The following PIGL variants were observed in gnomAD, a reference collection of about 807,000 sequenced individuals.
PIGL encodes phosphatidylinositol glycan anchor biosynthesis class L.
PIGL carries 22 observed loss-of-function variants against 31.1 expected under a neutral mutation model. That is an observed-to-expected ratio of 0.71 (90% CI 0.51 to 1.01). PIGL has a LOEUF of 1.01. PIGL is among the 50% of genes least tolerant of loss of function. PIGL has a pLI of 0.00. For synonymous variants in PIGL, 131 were observed against 117.4 expected (o/e 1.12, Z -0.75); for missense variants, 302 against 315.9 (o/e 0.96, Z 0.33).
chr17:16,298,766 G>A (rs141360221), intron 2 of PIGL, among the ~76,000 whole-genome samples: 5 of 151,816 alleles, frequency 3.3e-5, no homozygotes, highest in Admixed American at 1.3e-4. Context: ...AGTGGCTCAC[G>A]CCTGTAATCC....
intron 2 of PIGL, among the ~76,000 whole-genome samples, chr17:16,247,152 C>T (rs1403692642): frequency 1.3e-5 from 2 of 152,138 alleles, no homozygotes; most frequent in African/African-American, 4.8e-5. Flanking sequence ...TAAAGCCCCA[C>T]TCGTATGACC....
chr17:16,253,336 G>A (rs2092780752), intron 2 of PIGL, among the ~76,000 whole-genome samples: 1 of 152,096 alleles, frequency 6.6e-6, no homozygotes, highest in Non-Finnish European at 1.5e-5. Context: ...CTATTAAAGT[G>A]CATGGGGGCC....
At chr17:16,252,198 C>T (rs1275857040) in intron 2 of PIGL, among the ~76,000 whole-genome samples, 13 of 151,804 alleles carry the variant, frequency 8.6e-5, no homozygotes, top group Non-Finnish European at 1.3e-4. Context: ...CTCAGCCTCC[C>T]GAGTAGGTGG....
intron 6 of PIGL, among the ~76,000 whole-genome samples, chr17:16,323,511 G>A (rs2142881731): frequency 6.6e-6 from 1 of 152,016 alleles, no homozygotes; most frequent in African/African-American, 2.4e-5. Flanking sequence ...TGAGATTACG[G>A]GTGTGGGCCA....
At chr17:16,224,146 C>T (rs188071908) in intron 1 of PIGL, among the ~76,000 whole-genome samples, 4 of 151,520 alleles carry the variant, frequency 2.6e-5, no homozygotes, top group South Asian at 2.1e-4. Context: ...ACCTGGGAGG[C>T]GGAGGTTGCA....
chr17:16,264,448 T>C (rs546979274), intron 2 of PIGL, among the ~76,000 whole-genome samples: 14 of 152,068 alleles, frequency 9.2e-5, no homozygotes, highest in Non-Finnish European at 2.1e-4. Context: ...ACATGGCCTA[T>C]ATAAATTGAC....
intron 1 of PIGL, among the ~76,000 whole-genome samples, chr17:16,228,851 T>G (rs927900018): frequency 5.3e-5 from 8 of 152,216 alleles, no homozygotes; most frequent in African/African-American, 1.7e-4. Context: ...TCTTTCTATC[T>G]CTATGAATTT....
At chr17:16,242,138 C>CT (rs1379309512) in intron 2 of PIGL, among the ~76,000 whole-genome samples, 3 of 152,062 alleles carry the variant, frequency 2.0e-5, no homozygotes, top group Admixed American at 2.0e-4. Context: ...ACTGCAAACT[C>CT]TAACTTCTGG....
At chr17:16,305,955 G>T (rs1237375579) in intron 3 of PIGL, among the ~76,000 whole-genome samples, 1 of 151,882 alleles carries the variant, frequency 6.6e-6, no homozygotes, top group Non-Finnish European at 1.5e-5. Context: ...AGCTAATTTT[G>T]TTGTTGTTTT....
At chr17:16,253,998 A>G (rs2092783229) in intron 2 of PIGL, among the ~76,000 whole-genome samples, 1 of 151,192 alleles carries the variant, frequency 6.6e-6, no homozygotes, top group South Asian at 2.1e-4. Flanking sequence ...TCTCCTCTCC[A>G]TCTCCCAGTC....
chr17:16,229,948 A>G (rs1461025218), intron 1 of PIGL, among the ~76,000 whole-genome samples: 1 of 130,354 alleles, frequency 7.7e-6, no homozygotes, highest in Non-Finnish European at 1.5e-5. Context: ...TGCAACCTCC[A>G]CCTCCTAGGT....
intron 2 of PIGL, among the ~76,000 whole-genome samples, chr17:16,247,991 G>A (rs935300853): frequency 3.3e-5 from 5 of 152,068 alleles, no homozygotes; most frequent in Admixed American, 1.3e-4. Flanking sequence ...GGGTTCAAGC[G>A]ATTCTCCTGC....
At chr17:16,323,125 C>T (rs1282020031) in intron 6 of PIGL, among the ~76,000 whole-genome samples, 1 of 152,172 alleles carries the variant, frequency 6.6e-6, no homozygotes, top group Non-Finnish European at 1.5e-5. Context: ...GGAACCCAAC[C>T]CTGTATTTCC....
chr17:16,320,255 G>GA (rs1264229508), intron 6 of PIGL, among the ~76,000 whole-genome samples: 2 of 97,726 alleles, frequency 2.0e-5, no homozygotes, highest in African/African-American at 8.4e-5. Context: ...GGAAGGAAAG[G>GA]AGGGAGGAAG....
chr17:16,242,486 A>G (rs1295947950), intron 2 of PIGL, among the ~76,000 whole-genome samples: 2 of 151,926 alleles, frequency 1.3e-5, no homozygotes, highest in East Asian at 3.8e-4. Flanking sequence ...AGCTTTATTG[A>G]TTTTTTAATG....
intron 2 of PIGL, among the ~76,000 whole-genome samples, chr17:16,267,161 G>A (rs1046648524): frequency 6.6e-6 from 1 of 152,116 alleles, no homozygotes. Context: ...CACATATTTT[G>A]TATCTTTATC....
At chr17:16,306,648 G>A (rs1437767175) in intron 3 of PIGL, among the ~76,000 whole-genome samples, 1 of 150,614 alleles carries the variant, frequency 6.6e-6, no homozygotes, top group Non-Finnish European at 1.5e-5. Context: ...TCCTGCCTCA[G>A]CCTGCCAAGT....
At chr17:16,264,973 T>C (rs73281977) in intron 2 of PIGL, among the ~76,000 whole-genome samples, 7,427 of 152,274 alleles carry the variant, frequency 0.049, 621 homozygotes, top group African/African-American at 0.17. Context: ...CACATGACAA[T>C]GTGAATAAAG....
chr17:16,218,546 T>C (rs1051545174), intron 1 of PIGL, among the ~76,000 whole-genome samples: 1 of 152,152 alleles, frequency 6.6e-6, no homozygotes, highest in Admixed American at 6.6e-5. Context: ...GGTTTTTTCC[T>C]AGTTTATTGC....
Sources: gnomAD v4.1 joint callset for allele counts (sites outside exome capture counted in the v4.1 genomes callset) on GRCh38, gnomAD v4.1.1 for gene constraint, MANE v1.5 for transcripts, NCBI Gene and HGNC (gene_info 2026-07-23, HGNC 2026-07-21) for gene names.